CFLAR: variants seen among roughly 807,000 people sequenced by gnomAD.
CFLAR encodes CASP8 and FADD-like apoptosis regulator.
Under a neutral mutation model 51.1 loss-of-function variants are expected in CFLAR, and 14 were observed. The observed-to-expected ratio is 0.27, with a 90% CI of 0.18 to 0.43. CFLAR has a LOEUF of 0.43. Among genes scored for constraint, CFLAR ranks in the 20% least tolerant of loss-of-function variants. The pLI, the probability that CFLAR is intolerant of heterozygous loss-of-function variation, is 1.00. For missense variants in CFLAR, 390 were observed against 566.5 expected, an observed-to-expected ratio of 0.69 and a Z score of 3.16; for synonymous variants, 210 against 211.6, an observed-to-expected ratio of 0.99 and a Z score of 0.06.
At chr2:201,156,015 T>A (rs1260119103) in intron 8 of CFLAR, among the ~76,000 whole-genome samples, 1 of 152,212 alleles carries the variant, frequency 6.6e-6, no homozygotes, top group African/African-American at 2.4e-5. Flanking sequence ...TGCCTTGGCC[T>A]CCCAAAGCAC....
chr2:201,149,149 C>G, intron 7 of CFLAR, 97 bp downstream of exon 7: 1 of 781,396 alleles, frequency 1.3e-6, no homozygotes, highest in South Asian at 1.6e-5. Context: ...TTCTTTGAGA[C>G]AGTGGGACTC....
In CFLAR at chr2:201,129,736, C is replaced by G. The variant is rs1204078619; in HGVS notation, c.-130C>G. The G allele has an allele frequency of 8.4e-6, 7 of 832,572 alleles. No individual in the cohort carries two copies. Among genetic ancestry groups the G allele is most frequent in the African/African-American group, 1.7e-5 (1 of 58,610 alleles). The allele number at this position is 832,572 out of a possible 1,614,324, so 51.6% of individuals were successfully genotyped here. A position where few individuals can be genotyped will look rare whatever the true frequency, so the allele number is the denominator to read the frequency against. ...ATTCCCTTTTAACCACAGAACTCCC[C>G]CACTGGAAAGGATTCTGAAAGAAAT... On this transcript the variant is annotated 5_prime_UTR_variant, in exon 2 of 10. Transcript: ENST00000309955.
chr2:201,140,073 C>G, intron 4 of CFLAR: 1 of 128,268 alleles, frequency 7.8e-6, no homozygotes, highest in South Asian at 4.6e-5. Flanking sequence ...GCAGCTGCTG[C>G]GACGCGGAGG....
At chr2:201,117,363 C>T (rs1185034428) in intron 1 of CFLAR, among the ~76,000 whole-genome samples, 1 of 152,114 alleles carries the variant, frequency 6.6e-6, no homozygotes, top group African/African-American at 2.4e-5. Flanking sequence ...GGACAGAAGG[C>T]CATGTTCTTT....
chr2:201,163,678 G>A, intron 9 of CFLAR, 157 bp from the exon 10 acceptor site: 1 of 1,433,484 alleles, frequency 7.0e-7, no homozygotes, highest in Non-Finnish European at 9.1e-7. Flanking sequence ...CCAGAGTATT[G>A]CAAGTTAGTT....
At chr2:201,149,925 T>C in intron 8 of CFLAR, 90 bp downstream of exon 8, 1 of 965,828 alleles carries the variant, frequency 1.0e-6, no homozygotes, top group South Asian at 1.3e-5. Context: ...CAGCACCAAC[T>C]GCCGTGACAA....
intron 8 of CFLAR, among the ~76,000 whole-genome samples, chr2:201,155,510 C>T (rs561803216): frequency 2.4e-4 from 37 of 152,210 alleles, no homozygotes; most frequent in African/African-American, 6.5e-4. Context: ...GTGATCCGCC[C>T]GCCTCGGCCT....
chr2:201,163,938 A>G lies in CFLAR; in HGVS notation c.1408A>G (p.Thr470Ala). Residue 470 changes from threonine (T) to alanine (A), a missense_variant, in exon 10 of 10, where the codon ACT (threonine) becomes GCT (alanine). Coordinates refer to ENST00000309955, the MANE Select transcript of CFLAR (RefSeq NM_003879.7). ...KEKYYVWLQH[T>A]LRKKLILSYT ...GAAATATTATGTCTGGCTGCAGCAC[A>G]CTCTGAGAAAGAAACTTATCCTCTC... 1 of 1,614,040 alleles carries G rather than the reference A, an allele frequency of 6.2e-7. No homozygotes were observed. Among genetic ancestry groups the G allele is most frequent in the Non-Finnish European group, 8.5e-7 (1 of 1,179,990 alleles).
At chr2:201,155,595 C>T (rs1015535909) in intron 8 of CFLAR, among the ~76,000 whole-genome samples, 10 of 151,958 alleles carry the variant, frequency 6.6e-5, no homozygotes, top group South Asian at 2.1e-4. Context: ...CTATCCTGCT[C>T]TTTCTGAAAA....
intron 8 of CFLAR, among the ~76,000 whole-genome samples, chr2:201,157,194 G>A (rs1250924225): frequency 3.3e-5 from 5 of 152,142 alleles, no homozygotes; most frequent in Non-Finnish European, 7.3e-5. Context: ...TTTCACCCAG[G>A]CTGGAGTGCA....
chr2:201,128,131 A>T (rs2048883940), intron 1 of CFLAR, among the ~76,000 whole-genome samples: 1 of 152,142 alleles, frequency 6.6e-6, no homozygotes, highest in South Asian at 2.1e-4. Flanking sequence ...TTGTGTTTTT[A>T]TAATTCCTTC....
chr2:201,146,981 T>C (rs1240940374), intron 6 of CFLAR, among the ~76,000 whole-genome samples: 1 of 152,256 alleles, frequency 6.6e-6, no homozygotes, highest in East Asian at 1.9e-4. Flanking sequence ...AATGATAGCA[T>C]GTTTCTTAAA....
At chr2:201,158,852 C>CATTATTATTATTATTATT (rs61427822) in intron 8 of CFLAR, among the ~76,000 whole-genome samples, 6 of 139,622 alleles carry the variant, frequency 4.3e-5, no homozygotes, top group South Asian at 2.3e-4. Context: ...TTGCCCTCAT[C>CATTATTATTATTATTATT]ATTATTATTA....
rs1257211747 is a variant in CFLAR at position 201,160,532 on chromosome 2, T to C, written c.894T>C (p.Cys298=). The change falls in exon 9 of 10, where the codon TGT becomes TGC. Residue 298 remains cysteine (C), a synonymous_variant. Coordinates refer to ENST00000309955, the MANE Select transcript of CFLAR (RefSeq NM_003879.7). ...CCCAGATTCTTGGCCAATTTGCCTGTATGCCCGAGCACCGAGACTACGACA... is the reference window on the plus strand; with the variant it reads ...CCCAGATTCTTGGCCAATTTGCCTGCATGCCCGAGCACCGAGACTACGACA... The part of the protein sequence containing the change: ...GISQILGQFA[C]MPEHRDYDSF... 1.9e-6 allele frequency: 3 copies of C among 1,613,536 alleles called. No homozygotes were observed. Among genetic ancestry groups the C allele is most frequent in the Non-Finnish European group, 2.5e-6 (3 of 1,179,912 alleles).
chr2:201,134,505 G>A (rs2049826812), intron 3 of CFLAR, among the ~76,000 whole-genome samples: 1 of 150,434 alleles, frequency 6.6e-6, no homozygotes, highest in Non-Finnish European at 1.5e-5. Context: ...CGTAGTGGTG[G>A]GCGCCTGTAA....
intron 9 of CFLAR, chr2:201,163,493 T>C: frequency 8.9e-7 from 1 of 1,123,210 alleles, no homozygotes; most frequent in Non-Finnish European, 1.1e-6. Flanking sequence ...GAAGCGGGGG[T>C]TAGAGCAGGA....
Position 201,160,784 on chromosome 2 carries a change from T to C in CFLAR, c.1146T>C (p.Asn382=). 1 of 1,613,990 alleles carries C rather than the reference T, an allele frequency of 6.2e-7. No homozygotes were observed. Among genetic ancestry groups the C allele is most frequent in the Non-Finnish European group, 8.5e-7 (1 of 1,179,960 alleles). ...LLEVDGPAMK[N]VEFKAQKRGL... ...AGGTGGATGGGCCAGCGATGAAGAA[T>C]GTGGAATTCAAGGCTCAGAAGCGAG... is the stretch of plus-strand genomic sequence containing the variant. Residue 382 remains asparagine, a synonymous_variant, in exon 9 of 10, where the codon AAT becomes AAC. Coordinates refer to ENST00000309955, the MANE Select transcript of CFLAR (RefSeq NM_003879.7).
chr2:201,160,457 C>T lies in CFLAR; in HGVS notation c.819C>T (p.Ser273=), dbSNP rs772394172. 1.2e-6 allele frequency: 2 copies of T among 1,613,482 alleles called. No individual in the cohort carries two copies. The highest frequency in any genetic ancestry group is 3.3e-5 in the Admixed American group (2 of 60,006). The change falls in exon 9 of 10, where the codon TCC becomes TCT. Residue 273 remains serine, a synonymous_variant. Coordinates refer to ENST00000309955, the MANE Select transcript of CFLAR (RefSeq NM_003879.7). ...ETELLRDTFT[S]LGYEVQKFLH... ...AGCTTCTTCGAGACACCTTCACTTC[C>T]CTGGGCTATGAAGTCCAGAAATTCT...
intron 8 of CFLAR, 46 bp downstream of exon 8, chr2:201,149,881 C>G: frequency 1.4e-6 from 2 of 1,399,322 alleles, no homozygotes; most frequent in Non-Finnish European, 2.0e-6. Context: ...AGATTGAGAT[C>G]ATGGCACAGG....
Sources: gnomAD v4.1 joint callset for allele counts (sites outside exome capture counted in the v4.1 genomes callset) on GRCh38, gnomAD v4.1.1 for gene constraint, MANE v1.5 for transcripts, NCBI Gene and HGNC (gene_info 2026-07-23, HGNC 2026-07-21) for gene names.